Variants in TRIM4 observed in about 807,000 individuals in gnomAD.
TRIM4 encodes the protein E3 ubiquitin-protein ligase TRIM4.
In TRIM4, 29 loss-of-function variants were observed where a neutral mutation model predicts 33.7. The observed-to-expected ratio is 0.86, with a 90% CI of 0.64 to 1.17. The LOEUF is 1.17. Ranked by LOEUF, TRIM4 falls within the 50% of genes most tolerant of loss-of-function variation. TRIM4 has a pLI of 0.00. For synonymous variants in TRIM4, 224 were observed against 233.0 expected (o/e 0.96, Z 0.35); for missense variants, 554 against 593.7 (o/e 0.93, Z 0.69).
intron 3 of TRIM4, 50 bp downstream of exon 3, chr7:99,908,532 G>A (rs1227514077): frequency 7.0e-7 from 1 of 1,429,422 alleles, no homozygotes; most frequent in East Asian, 2.3e-5. Context: ...AAAGACAAGA[G>A]AGAGTTCAGT....
intron 5 of TRIM4, among the ~76,000 whole-genome samples, chr7:99,899,578 T>C (rs1459591405): frequency 6.6e-6 from 1 of 152,214 alleles, no homozygotes; most frequent in Non-Finnish European, 1.5e-5. Flanking sequence ...GAGAACTGTA[T>C]CATAGTATAC....
intron 3 of TRIM4, among the ~76,000 whole-genome samples, chr7:99,903,987 G>A (rs910731697): frequency 3.9e-5 from 6 of 152,192 alleles, no homozygotes; most frequent in African/African-American, 1.2e-4. Flanking sequence ...AATTATAATC[G>A]CAAGGGATAT....
At chr7:99,913,201 C>A (rs1819482603) in intron 1 of TRIM4, among the ~76,000 whole-genome samples, 1 of 152,058 alleles carries the variant, frequency 6.6e-6, no homozygotes, top group East Asian at 1.9e-4. Context: ...AAGACTCTAC[C>A]CAAGTTTTTT....
chr7:99,919,330 G>A lies in TRIM4; in HGVS notation c.72C>T (p.Ser24=). Residue 24 remains serine (S), a synonymous_variant, in exon 1 of 6, where the codon TCC becomes TCT. Coordinates refer to ENST00000349062, the MANE Select transcript of TRIM4 (RefSeq NM_033091.3). ...GGCAGAAGTTGTGGCCGCACTCGAT[G>A]GACACCGGGTCCTGGAAATAGTCCA... is the stretch of plus-strand genomic sequence containing the variant. ...ICLDYFQDPV[S]IECGHNFCRG... 1 of 1,575,768 alleles carries A rather than the reference G, an allele frequency of 6.3e-7. No individual in the cohort carries two copies.
rs1407894860 is a variant in TRIM4 at position 99,892,177 on chromosome 7, T to C, written c.1411A>G (p.Thr471Ala). 3 of 1,608,872 alleles carry C rather than the reference T, an allele frequency of 1.9e-6. No homozygotes were observed. Residue 471 changes from threonine (T) to alanine (A), a missense_variant, in exon 6 of 6, where the codon ACT (threonine) becomes GCT (alanine). By Grantham distance (58) the Thr-to-Ala change is moderately conservative (BLOSUM62 0). Transcript: ENST00000349062. ...GAAGAAAAGCCTCATTTCCTATCAG[T>C]CACTGGTGGAATGACTAAAGATGCT... Reference protein sequence around the residue: ...PLASLVIPPVTDRK With the variant: ...PLASLVIPPVADRK
rs1487139320 is a variant in TRIM4, at chr7:99,908,710, CT to C, written c.591del (p.Glu198LysfsTer9). 1.2e-6 allele frequency: 2 copies of C among 1,614,152 alleles called. No homozygotes were observed. Among genetic ancestry groups the C allele is most frequent in the Non-Finnish European group, 1.7e-6 (2 of 1,180,018 alleles). On this transcript the variant is annotated frameshift_variant, in exon 3 of 6. Coordinates refer to ENST00000349062, the MANE Select transcript of TRIM4 (RefSeq NM_033091.3). LOFTEE classifies it high-confidence loss of function. ...AGCTTCTTCTTCGTCTCTTCTTCTT[CT>C]TTGTTCAATCTCTGAAGAAACAGGT... The part of the protein sequence containing the change: ...EEDLFLQRLN[K>X]EEEETKKKLN...
intron 1 of TRIM4, among the ~76,000 whole-genome samples, chr7:99,917,556 C>T (rs1819583369): frequency 6.6e-6 from 1 of 152,004 alleles, no homozygotes; most frequent in Admixed American, 6.5e-5. Flanking sequence ...CCTGTCTTCA[C>T]TAAAAATACA....
chr7:99,905,400 A>G (rs1241321820), intron 3 of TRIM4, among the ~76,000 whole-genome samples: 1 of 152,260 alleles, frequency 6.6e-6, no homozygotes, highest in African/African-American at 2.4e-5. Flanking sequence ...ATAAATGTGC[A>G]CCCAAAAAGA....
rs1474495991 is a variant in TRIM4 at position 99,892,503 on chromosome 7, T to A, written c.1085A>T (p.Asp362Val). ...CACCCCAACAGCAACCTCCAGACTA[T>A]CTCTACTCTCAACTTCCCAGTAATG... ...GKHYWEVESR[D>V]SLEVAVGVCR... Residue 362 changes from aspartate to valine, a missense_variant, in exon 6 of 6, where the codon GAT (aspartate) becomes GTT (valine). Around this residue, in one of 3 missense-constraint regions of TRIM4, gnomAD observed 290 missense variants for 335.8 expected, o/e 0.86. Transcript: ENST00000349062. 2 of 1,614,000 alleles carry A rather than the reference T, an allele frequency of 1.2e-6. No individual in the cohort carries two copies. Among genetic ancestry groups the A allele is most frequent in the Non-Finnish European group, 1.7e-6 (2 of 1,180,012 alleles).
Position 99,894,596 on chromosome 7 carries a change from G to A in TRIM4, c.842-1850C>T, listed in dbSNP as rs565029901. On this transcript the variant is annotated intron_variant, in intron 5 of 5. Coordinates refer to ENST00000349062, the MANE Select transcript of TRIM4 (RefSeq NM_033091.3). ...GCAGGAGAATCACTTGAACCTGGGA[G>A]GTGGAGGTTGCAGTAAGCTGAGATT... Among the ~76,000 whole-genome samples, 28 of 152,118 alleles carry A rather than the reference G, an allele frequency of 1.8e-4. No individual in the cohort carries two copies. In the South Asian group the frequency reaches 5.8e-3, roughly 32 times the overall value.
At chr7:99,915,240 C>T (rs1819529453) in intron 1 of TRIM4, among the ~76,000 whole-genome samples, 1 of 152,236 alleles carries the variant, frequency 6.6e-6, no homozygotes, top group South Asian at 2.1e-4. Context: ...AAGCCTTTAC[C>T]TGTCTTGTTC....
chr7:99,913,483 A>C (rs1819488700), intron 1 of TRIM4, among the ~76,000 whole-genome samples: 1 of 152,068 alleles, frequency 6.6e-6, no homozygotes, highest in Admixed American at 6.5e-5. Flanking sequence ...CCTGACCAAC[A>C]TGGTGAAACC....
At chr7:99,907,067 G>A (rs1312419976) in intron 3 of TRIM4, among the ~76,000 whole-genome samples, 1 of 152,180 alleles carries the variant, frequency 6.6e-6, no homozygotes, top group East Asian at 1.9e-4. Flanking sequence ...GATAAGTACA[G>A]TAGTTCTCTC....
chr7:99,917,898 T>C (rs950761207), intron 1 of TRIM4: 2 of 968,010 alleles, frequency 2.1e-6, no homozygotes, highest in East Asian at 1.1e-4. Context: ...AAAGGATAGA[T>C]GTGGGTAGAG....
intron 1 of TRIM4, among the ~76,000 whole-genome samples, chr7:99,912,268 C>T (rs920490469): frequency 8.5e-5 from 13 of 152,166 alleles, no homozygotes; most frequent in Non-Finnish European, 1.2e-4. Context: ...CGGTGGCTCA[C>T]GCCTGTAACC....
intron 1 of TRIM4, among the ~76,000 whole-genome samples, chr7:99,914,318 C>G (rs1392793095): frequency 6.6e-6 from 1 of 152,146 alleles, no homozygotes; most frequent in Non-Finnish European, 1.5e-5. Flanking sequence ...TCACTACATC[C>G]AGCTAATTTT....
chr7:99,918,882 A>C (rs564170776), intron 1 of TRIM4, 127 bp downstream of exon 1: 6 of 1,229,224 alleles, frequency 4.9e-6, no homozygotes, highest in Admixed American at 6.7e-5. Context: ...AACTTCTTTG[A>C]GTTTCAGGGG....
rs1452435948 is a variant in TRIM4, at chr7:99,919,282, C to T, written c.120G>A (p.Trp40Ter). 1 of 1,550,050 alleles carries T rather than the reference C, an allele frequency of 6.5e-7. No individual in the cohort carries two copies. The change falls in exon 1 of 6, where the codon TGG (tryptophan) becomes TGA (stop). Residue 40 changes from tryptophan to a stop codon, truncating the protein, a stop_gained. Transcript: ENST00000349062. LOFTEE classifies it high-confidence loss of function. ...AGGGGAACGGGCCGCCGCCCGGCGC[C>T]CAGTTGCGGTGCAGGCAGCCGCGGC... ...NFCRGCLHRN[W>*]APGGGPFPCP...
intron 5 of TRIM4, chr7:99,902,135 A>G (rs753651241): frequency 3.0e-5 from 23 of 765,182 alleles, no homozygotes; most frequent in Non-Finnish European, 5.3e-5. Flanking sequence ...GTTGTTTCAC[A>G]TATTGTGCCT....
Sources: allele counts gnomAD v4.1 joint callset (sites outside exome capture counted in the v4.1 genomes callset), GRCh38; gene constraint gnomAD v4.1.1; regional missense constraint gnomAD v4.1.1; transcripts MANE v1.5; gene names NCBI Gene and HGNC (gene_info 2026-07-23, HGNC 2026-07-21).